GRIN2B: variants seen among roughly 807,000 people sequenced by gnomAD.
GRIN2B encodes glutamate receptor ionotropic, NMDA 2B.
A neutral mutation model predicts 114.5 loss-of-function variants in GRIN2B; 5 were observed. The ratio of observed to expected loss-of-function variants is 0.04; its 90% CI spans 0.02 to 0.09. The LOEUF (loss-of-function observed/expected upper bound fraction) is 0.09. Among genes scored for constraint, GRIN2B ranks in the 10% least tolerant of loss-of-function variants. The pLI is 1.00. For synonymous variants in GRIN2B, 787 were observed against 745.1 expected (o/e 1.06, Z -0.92); for missense variants, 1,108 against 1,943.5 (o/e 0.57, Z 8.08).
At position 13,547,981 on chromosome 12, in the gene GRIN2B, A is replaced by ATATATATATATATATATATTTTTTTTTTT; in HGVS notation, c.*14801_*14802insAAAAAAAAAAATATATATATATATATATA. 1.5e-5 allele frequency: 1 copy of ATATATATATATATATATATTTTTTTTTTT among 68,594 alleles called. No individual in the cohort carries two copies. The highest frequency in any genetic ancestry group is 7.7e-3 in the Middle Eastern group (1 of 130). The allele number at this position is 68,594 out of a possible 1,614,324, so 4.2% of individuals were successfully genotyped here. On this transcript the variant is annotated 3_prime_UTR_variant, in exon 14 of 14. Transcript: ENST00000609686. ...TGTGTATATATATATATATATATAT[A>ATATATATATATATATATATTTTTTTTTTT]TTTTTTTTTTTTTTCTGAAAGCTAC...
intron 5 of GRIN2B, among the ~76,000 whole-genome samples, chr12:13,666,753 G>A (rs948041094): frequency 3.3e-5 from 5 of 152,056 alleles, no homozygotes; most frequent in Admixed American, 1.3e-4. Context: ...TGCATGGCTG[G>A]TACAAATCCA....
intron 3 of GRIN2B, among the ~76,000 whole-genome samples, chr12:13,838,135 G>A (rs1359755358): frequency 6.6e-6 from 1 of 152,056 alleles, no homozygotes; most frequent in Non-Finnish European, 1.5e-5. Flanking sequence ...CATATCGGAG[G>A]GATGAGGACA....
intron 2 of GRIN2B, among the ~76,000 whole-genome samples, chr12:13,875,586 G>GCCCCAAC (rs1028713826): frequency 8.5e-5 from 13 of 152,092 alleles, no homozygotes; most frequent in Middle Eastern, 3.4e-3. Flanking sequence ...CTATTTCCAA[G>GCCCCAAC]CCCCAACCCC....
chr12:13,875,784 T>C (rs549697659), intron 2 of GRIN2B, among the ~76,000 whole-genome samples: 1 of 152,318 alleles, frequency 6.6e-6, no homozygotes, highest in South Asian at 2.1e-4. Flanking sequence ...AAGTCCTTTA[T>C]CTGCAAAATG....
intron 5 of GRIN2B, among the ~76,000 whole-genome samples, chr12:13,626,818 C>CCCCCCCCCCCCCCCCCCCCCCT (rs1649734494): frequency 1.6e-5 from 1 of 62,460 alleles, no homozygotes; most frequent in Admixed American, 2.0e-4. Flanking sequence ...CCCCTCCCCC[C>CCCCCCCCCCCCCCCCCCCCCCT]CACCCTCCCC....
At chr12:13,669,761 G>A (rs1052600944) in intron 5 of GRIN2B, among the ~76,000 whole-genome samples, 10 of 152,122 alleles carry the variant, frequency 6.6e-5, no homozygotes, top group African/African-American at 2.4e-4. Context: ...GGGGATGGAG[G>A]AGCTGTTTTA....
rs936543899 is a variant in GRIN2B at position 13,542,767 on chromosome 12, G to C, written c.*20016C>G. On this transcript the variant is annotated 3_prime_UTR_variant, in exon 14 of 14. Coordinates refer to ENST00000609686, the MANE Select transcript of GRIN2B (RefSeq NM_000834.5). ...TCCCAAATCCTGCCTAAGAATCAGTGGTTCATCACCAGCCACAACCCTGGC... is the reference window on the plus strand; with the variant it reads ...TCCCAAATCCTGCCTAAGAATCAGTCGTTCATCACCAGCCACAACCCTGGC... The C allele has an allele frequency of 2.0e-5, 3 of 152,302 alleles. No homozygotes were observed. The highest frequency in any genetic ancestry group is 7.2e-5 in the African/African-American group (3 of 41,420). The allele number at this position is 152,302 out of a possible 1,614,324, so 9.4% of individuals were successfully genotyped here.
At chr12:13,586,636 A>G (rs550527890) in intron 10 of GRIN2B, among the ~76,000 whole-genome samples, 1 of 152,360 alleles carries the variant, frequency 6.6e-6, no homozygotes, top group African/African-American at 2.4e-5. Context: ...CCGACAAGCC[A>G]CATAGCAGCA....
chr12:13,890,585 ATAGCTCACAC>A (rs1866241485), intron 2 of GRIN2B, among the ~76,000 whole-genome samples: 2 of 152,158 alleles, frequency 1.3e-5, no homozygotes, highest in Non-Finnish European at 2.9e-5. Flanking sequence ...TAGCATTTCC[ATAGCTCACAC>A]TATTTTTACT....
At chr12:13,657,755 T>G (rs967105060) in intron 5 of GRIN2B, among the ~76,000 whole-genome samples, 1 of 152,154 alleles carries the variant, frequency 6.6e-6, no homozygotes. Flanking sequence ...TGGACAGAGA[T>G]TAGATATTTC....
At chr12:13,949,740 T>G (rs150845050) in intron 2 of GRIN2B, among the ~76,000 whole-genome samples, 1 of 152,232 alleles carries the variant, frequency 6.6e-6, no homozygotes, top group East Asian at 1.9e-4. Flanking sequence ...TTCAATGTAG[T>G]GTATATTGAT....
intron 3 of GRIN2B, among the ~76,000 whole-genome samples, chr12:13,775,796 G>A (rs1863993057): frequency 6.6e-6 from 1 of 151,992 alleles, no homozygotes; most frequent in Admixed American, 6.6e-5. Flanking sequence ...AGGATTACAG[G>A]GAGGCTAAAT....
intron 10 of GRIN2B, among the ~76,000 whole-genome samples, chr12:13,590,117 A>T (rs1240035966): frequency 6.6e-6 from 1 of 152,130 alleles, no homozygotes; most frequent in African/African-American, 2.4e-5. Flanking sequence ...CTTGAAGTAG[A>T]ATAAATTAGG....
At chr12:13,604,598 T>A (rs1453312681) in intron 10 of GRIN2B, among the ~76,000 whole-genome samples, 1 of 152,208 alleles carries the variant, frequency 6.6e-6, no homozygotes, top group Non-Finnish European at 1.5e-5. Context: ...ATCTTCAAAA[T>A]CATCTCATTT....
chr12:13,864,527 AAACT>A (rs748961002), intron 3 of GRIN2B, among the ~76,000 whole-genome samples: 11 of 152,374 alleles, frequency 7.2e-5, no homozygotes, highest in Admixed American at 3.3e-4. Context: ...ACTTGTGGTG[AAACT>A]AACTATTCTA....
At chr12:13,902,737 G>A (rs1398594372) in intron 2 of GRIN2B, among the ~76,000 whole-genome samples, 1 of 152,076 alleles carries the variant, frequency 6.6e-6, no homozygotes, top group Admixed American at 6.5e-5. Flanking sequence ...CTTGAACCCG[G>A]GAGGCTGAGG....
intron 3 of GRIN2B, among the ~76,000 whole-genome samples, chr12:13,758,107 G>A (rs1863612088): frequency 6.6e-6 from 1 of 152,186 alleles, no homozygotes; most frequent in African/African-American, 2.4e-5. Context: ...TGTTACAGGT[G>A]TAAAGACCTA....
At chr12:13,758,998 A>AGTTTTTTTTTTTTTTTTT in intron 3 of GRIN2B, among the ~76,000 whole-genome samples, 1 of 85,600 alleles carries the variant, frequency 1.2e-5, no homozygotes, top group Admixed American at 1.6e-4. Flanking sequence ...ATCTAGTTCA[A>AGTTTTTTTTTTTTTTTTT]TTTTTTTTTT....
chr12:13,667,781 C>A (rs901643822), intron 5 of GRIN2B, among the ~76,000 whole-genome samples: 1 of 151,874 alleles, frequency 6.6e-6, no homozygotes, highest in Admixed American at 6.6e-5. Context: ...ACAGAATGCA[C>A]AGAAAAAAAA....
Sources: gnomAD v4.1 joint callset for allele counts (sites outside exome capture counted in the v4.1 genomes callset) on GRCh38, gnomAD v4.1.1 for gene constraint, MANE v1.5 for transcripts, NCBI Gene and HGNC (gene_info 2026-07-23, HGNC 2026-07-21) for gene names.